Variants in LTBP1 observed in about 807,000 individuals in gnomAD.
LTBP1 encodes the protein latent transforming growth factor beta binding protein 1.
LTBP1 carries 129 observed loss-of-function variants against 207.6 expected under a neutral mutation model. The ratio of observed to expected loss-of-function variants is 0.62; its 90% CI spans 0.54 to 0.72. LTBP1 has a LOEUF of 0.72. LTBP1 is among the 30% of genes least tolerant of loss of function. The pLI, the probability that LTBP1 is intolerant of heterozygous loss-of-function variation, is 0.00. For synonymous variants in LTBP1, 963 were observed against 833.7 expected (o/e 1.16, Z -2.67); for missense variants, 2,281 against 2,217.2 (o/e 1.03, Z -0.58).
rs538563618 is a variant in LTBP1, at chr2:33,303,762, G to A, written c.3481+2118G>A. Among the ~76,000 whole-genome samples, 10 of 152,324 alleles carry A rather than the reference G, an allele frequency of 6.6e-5. No individual in the cohort carries two copies. The South Asian group carries it at 2.1e-3, about 32-fold the overall frequency. ...GAATCCAGCTGCTGATCTGTCAGGA[G>A]ATGGAGCTCAGGCGGTAATGCTCGC... On this transcript the variant is annotated intron_variant, in intron 22 of 33. Transcript: ENST00000404816.
chr2:33,164,568 A>G (rs1001828670), intron 5 of LTBP1, among the ~76,000 whole-genome samples: 3 of 152,278 alleles, frequency 2.0e-5, no homozygotes, highest in African/African-American at 7.2e-5. Context: ...ATCTACAAAT[A>G]AATATTTCTG....
chr2:33,331,648 C>T (rs545125165), intron 24 of LTBP1, among the ~76,000 whole-genome samples: 1 of 152,194 alleles, frequency 6.6e-6, no homozygotes, highest in South Asian at 2.1e-4. Context: ...TAGTCCTTGT[C>T]TGCTTGAAAA....
At chr2:33,034,229 A>T (rs1301533061) in intron 3 of LTBP1, among the ~76,000 whole-genome samples, 1 of 35,962 alleles carries the variant, frequency 2.8e-5, no homozygotes, top group African/African-American at 9.7e-5. Flanking sequence ...TTGTTGTTCT[A>T]AAAAAAAAAA....
At chr2:33,091,975 C>T (rs1297517615) in intron 3 of LTBP1, among the ~76,000 whole-genome samples, 2 of 152,156 alleles carry the variant, frequency 1.3e-5, no homozygotes, top group Non-Finnish European at 2.9e-5. Flanking sequence ...ACTGGCCAGG[C>T]GTGGGGCACC....
At chr2:33,365,626 CGTGTGT>C (rs144867482) in intron 31 of LTBP1, 123 bp downstream of exon 31, 36 of 711,852 alleles carry the variant, frequency 5.1e-5, no homozygotes, top group Non-Finnish European at 7.3e-5. Context: ...ACTTTCATCC[CGTGTGT>C]GTGTGTGTGT....
intron 7 of LTBP1, among the ~76,000 whole-genome samples, chr2:33,196,813 A>G (rs907336456): frequency 6.6e-6 from 1 of 152,196 alleles, no homozygotes; most frequent in African/African-American, 2.4e-5. Context: ...TTATCAGTCA[A>G]GGAAGTCCAG....
At chr2:33,354,173 A>T (rs572243398) in intron 26 of LTBP1, among the ~76,000 whole-genome samples, 1 of 152,000 alleles carries the variant, frequency 6.6e-6, no homozygotes, top group Non-Finnish European at 1.5e-5. Flanking sequence ...GTGCATGTAC[A>T]CATTTTTTAA....
At chr2:33,191,649 T>A (rs893254737) in intron 7 of LTBP1, among the ~76,000 whole-genome samples, 16 of 152,218 alleles carry the variant, frequency 1.1e-4, no homozygotes, top group Non-Finnish European at 2.1e-4. Context: ...ATTTGTGCTT[T>A]CTTGCTGTGG....
At chr2:33,078,393 A>G (rs2149830113) in intron 3 of LTBP1, among the ~76,000 whole-genome samples, 1 of 152,340 alleles carries the variant, frequency 6.6e-6, no homozygotes, top group Middle Eastern at 3.4e-3. Flanking sequence ...TGAAGCAGTT[A>G]GACCTTACCT....
intron 2 of LTBP1, among the ~76,000 whole-genome samples, chr2:33,003,881 A>G (rs1479348245): frequency 6.6e-6 from 1 of 152,214 alleles, no homozygotes; most frequent in Non-Finnish European, 1.5e-5. Flanking sequence ...AGTCTTACAC[A>G]CAAAAACATA....
intron 12 of LTBP1, 46 bp downstream of exon 12, chr2:33,257,557 T>C (rs1399545580): frequency 6.6e-7 from 1 of 1,506,532 alleles, no homozygotes; most frequent in Non-Finnish European, 9.2e-7. Flanking sequence ...TATCTGTGTG[T>C]CTTTGCTTTG....
In LTBP1 at chr2:33,061,904, A is replaced by G. The variant is rs552876722; in HGVS notation, c.863+40698A>G. ...TCAGATGTTTTTTCCAAAGCGGTTT[A>G]TCATTTTATCTTTCTATTAGGAGTG... On this transcript the variant is annotated intron_variant, in intron 3 of 33. Coordinates refer to ENST00000404816, the MANE Select transcript of LTBP1 (RefSeq NM_206943.4). Among the ~76,000 whole-genome samples the G allele has an allele frequency of 4.1e-4, 63 of 152,234 alleles. No individual in the cohort carries two copies. In the South Asian group the frequency reaches 0.012, roughly 30 times the overall value.
At chr2:33,119,930 T>C (rs1396495188) in intron 4 of LTBP1, among the ~76,000 whole-genome samples, 1 of 152,212 alleles carries the variant, frequency 6.6e-6, no homozygotes, top group Non-Finnish European at 1.5e-5. Context: ...GTGATTTTAG[T>C]TCTGCATTGT....
At chr2:33,365,061 A>G (rs1162512317) in intron 30 of LTBP1, among the ~76,000 whole-genome samples, 1 of 152,200 alleles carries the variant, frequency 6.6e-6, no homozygotes, top group Non-Finnish European at 1.5e-5. Context: ...AAGGACAAGC[A>G]AGATAGTGGG....
intron 5 of LTBP1, among the ~76,000 whole-genome samples, chr2:33,162,012 C>T (rs575049926): frequency 3.9e-5 from 6 of 152,328 alleles, no homozygotes; most frequent in African/African-American, 1.4e-4. Flanking sequence ...GCTTGAGAAG[C>T]ACATGCTGAG....
rs1297197693 is a variant in LTBP1, at chr2:32,947,701, C to T, written c.377C>T (p.Pro126Leu). The T allele has an allele frequency of 1.3e-6, 2 of 1,521,652 alleles. No homozygotes were observed. Among genetic ancestry groups the T allele is most frequent in the Non-Finnish European group, 1.8e-6 (2 of 1,135,194 alleles). The allele number at this position is 1,521,652 out of a possible 1,614,324, so 94.3% of individuals were successfully genotyped here. The change falls in exon 1 of 34, where the codon CCG becomes CTG. Residue 126 changes from proline (P) to leucine (L), a missense_variant. Physicochemically the swap from Pro to Leu is moderately conservative, Grantham distance 98 (BLOSUM62 -3). Transcript: ENST00000404816. Reference sequence around the variant, plus strand: ...CTCCACCCCAATCCCGGCGGCCACCCGGCAGCCGCCCCGTTCACCAAACAA... The same window carrying T: ...CTCCACCCCAATCCCGGCGGCCACCTGGCAGCCGCCCCGTTCACCAAACAA... The part of the protein sequence containing the change: ...GQLHPNPGGH[P>L]AAAPFTKQGR...
chr2:33,151,108 C>T (rs1204135965), intron 5 of LTBP1, among the ~76,000 whole-genome samples: 2 of 152,070 alleles, frequency 1.3e-5, no homozygotes, highest in Non-Finnish European at 1.5e-5. Context: ...AATGCAGTTC[C>T]GTTATTTGCA....
At position 33,001,417 on chromosome 2, in the gene LTBP1, C is replaced by T. The variant is rs192654101; in HGVS notation, c.566-19492C>T. On this transcript the variant is annotated intron_variant, in intron 2 of 33. Coordinates refer to ENST00000404816, the MANE Select transcript of LTBP1 (RefSeq NM_206943.4). ...AGAACTTGCATTTCTCGAAAGATTCCAGGTGGGACTGATGCTGCTGGTCTG... is the reference window on the plus strand; with the variant it reads ...AGAACTTGCATTTCTCGAAAGATTCTAGGTGGGACTGATGCTGCTGGTCTG... 2.2e-5 allele frequency among the ~76,000 whole-genome samples: 3 copies of T among 134,814 alleles called. 1 individual carries two copies. The Admixed American group carries it at 2.3e-4, about 10-fold the overall frequency. 88.4% of individuals were successfully genotyped at this position (134,814 alleles called of 152,430 possible). A position where few individuals can be genotyped will look rare whatever the true frequency, so the allele number is the denominator to read the frequency against.
chr2:33,092,426 G>T (rs1329721268), intron 3 of LTBP1, among the ~76,000 whole-genome samples: 1 of 152,178 alleles, frequency 6.6e-6, no homozygotes, highest in Non-Finnish European at 1.5e-5. Context: ...AAACCTTTCA[G>T]CCTGGGCTTT....
Sources: gnomAD v4.1 joint callset for allele counts (sites outside exome capture counted in the v4.1 genomes callset) on GRCh38, gnomAD v4.1.1 for gene constraint, MANE v1.5 for transcripts, NCBI Gene and HGNC (gene_info 2026-07-23, HGNC 2026-07-21) for gene names.